Variants in ILDR1 observed in about 807,000 individuals in gnomAD.
ILDR1 encodes immunoglobulin-like domain-containing receptor 1.
Under a neutral mutation model 62.4 loss-of-function variants are expected in ILDR1, and 56 were observed. The observed-to-expected ratio is 0.90, with a 90% CI of 0.72 to 1.12. The LOEUF (loss-of-function observed/expected upper bound fraction) is 1.12, where lower values mean the gene tolerates loss of function less well. Among genes scored for constraint, ILDR1 ranks in the 50% most tolerant of loss-of-function variants. The pLI, the probability that ILDR1 is intolerant of heterozygous loss-of-function variation, is 0.00. For synonymous variants in ILDR1, 284 were observed against 277.8 expected (o/e 1.02, Z -0.22); for missense variants, 736 against 710.6 (o/e 1.04, Z -0.41).
intron 3 of ILDR1, 41 bp downstream of exon 3, chr3:122,005,203 C>A (rs760874667): frequency 1.3e-5 from 15 of 1,117,102 alleles, no homozygotes; most frequent in South Asian, 5.1e-5. Context: ...GTCTGCACCT[C>A]CCCCCACCCC....
the ILDR1 span, among the ~76,000 whole-genome samples, chr3:122,057,661 G>GATGTGTGATAATTT: frequency 1.1e-4 from 17 of 152,106 alleles, no homozygotes; most frequent in Admixed American, 5.9e-4. Flanking sequence ...ACCATCTAGT[G>GATGTGTGATAATTT]ATGTGTGATA....
chr3:122,040,437 A>T, the ILDR1 span, among the ~76,000 whole-genome samples: 1 of 150,714 alleles, frequency 6.6e-6, no homozygotes, highest in Non-Finnish European at 1.5e-5. Context: ...AAATGTCTTA[A>T]TGCAAACATG....
At chr3:122,045,064 A>G in the ILDR1 span, among the ~76,000 whole-genome samples, 1 of 151,616 alleles carries the variant, frequency 6.6e-6, no homozygotes, top group African/African-American at 2.4e-5. Context: ...TAGTGCTATA[A>G]ATTTCCCTCT....
At chr3:122,033,574 C>T in the ILDR1 span, among the ~76,000 whole-genome samples, 1 of 151,606 alleles carries the variant, frequency 6.6e-6, no homozygotes. Context: ...TGCTGTATTC[C>T]CCAGGTCATG....
intron 1 of ILDR1, among the ~76,000 whole-genome samples, chr3:122,015,636 T>C (rs1238303210): frequency 2.6e-5 from 4 of 152,224 alleles, no homozygotes; most frequent in Non-Finnish European, 4.4e-5. Flanking sequence ...CTTCCCCTTC[T>C]GCCATGATTA....
the ILDR1 span, among the ~76,000 whole-genome samples, chr3:122,037,181 G>T: frequency 6.6e-6 from 1 of 152,218 alleles, no homozygotes; most frequent in African/African-American, 2.4e-5. Context: ...CCCACACAGA[G>T]TCCCCACTAG....
chr3:122,043,269 A>G, the ILDR1 span, among the ~76,000 whole-genome samples: 1 of 151,504 alleles, frequency 6.6e-6, no homozygotes, highest in Non-Finnish European at 1.5e-5. Flanking sequence ...TGTTCCATTG[A>G]TCTATATCTC....
chr3:122,055,653 A>G, the ILDR1 span: 1 of 725,912 alleles, frequency 1.4e-6, no homozygotes, highest in Non-Finnish European at 2.3e-6. Flanking sequence ...TTGGCACATA[A>G]AGGCAAGAAT....
intron 5 of ILDR1, 70 bp downstream of exon 5, chr3:122,001,238 T>A: frequency 6.4e-7 from 1 of 1,565,238 alleles, no homozygotes; most frequent in South Asian, 1.1e-5. Context: ...GACCTGGCAC[T>A]TGAAGCTGAT....
intron 1 of ILDR1, among the ~76,000 whole-genome samples, chr3:122,012,678 TC>T (rs1281004317): frequency 1.3e-5 from 2 of 152,080 alleles, no homozygotes; most frequent in Non-Finnish European, 2.9e-5. Flanking sequence ...TAAAAAAATG[TC>T]CCCCATTTAG....
At chr3:122,019,087 C>G (rs1273718250) in intron 1 of ILDR1, among the ~76,000 whole-genome samples, 1 of 152,188 alleles carries the variant, frequency 6.6e-6, no homozygotes, top group African/African-American at 2.4e-5. Context: ...GCAGAAATGA[C>G]ACACATCCTT....
At chr3:121,995,311 G>A (rs1283635064) in intron 5 of ILDR1, among the ~76,000 whole-genome samples, 5 of 152,176 alleles carry the variant, frequency 3.3e-5, no homozygotes, top group Non-Finnish European at 7.3e-5. Flanking sequence ...TTAGGCCCCA[G>A]CCTGGCATTC....
intron 3 of ILDR1, among the ~76,000 whole-genome samples, chr3:122,003,282 T>C (rs2071555243): frequency 6.6e-6 from 1 of 152,202 alleles, no homozygotes; most frequent in African/African-American, 2.4e-5. Context: ...GAAACAAAAA[T>C]GCAAGGTCAC....
At chr3:122,052,761 G>T in the ILDR1 span, among the ~76,000 whole-genome samples, 1 of 152,172 alleles carries the variant, frequency 6.6e-6, no homozygotes. Flanking sequence ...TAGAGATGGG[G>T]TTTCACCATG....
the ILDR1 span, among the ~76,000 whole-genome samples, chr3:122,049,532 T>C: frequency 6.6e-6 from 1 of 152,352 alleles, no homozygotes; most frequent in East Asian, 1.9e-4. Flanking sequence ...TCTGCCAATG[T>C]TTGCTTCATA....
intron 5 of ILDR1, among the ~76,000 whole-genome samples, chr3:121,997,601 A>G (rs2107650353): frequency 1.3e-5 from 2 of 152,304 alleles, no homozygotes; most frequent in African/African-American, 4.8e-5. Context: ...TCCAGGGCCC[A>G]CTGCTAACAG....
the ILDR1 span, among the ~76,000 whole-genome samples, chr3:122,041,326 A>G: frequency 6.6e-6 from 1 of 152,192 alleles, no homozygotes; most frequent in Non-Finnish European, 1.5e-5. Context: ...AGTTTGTTAT[A>G]AAAGTGAATT....
In ILDR1 at chr3:122,022,005, T is replaced by C; in HGVS notation, c.58+15A>G. On this transcript the variant is annotated intron_variant, in intron 1 of 7. Coordinates refer to ENST00000344209, the MANE Select transcript of ILDR1 (RefSeq NM_001199799.2). ...TCCTTGGGTCCAGGGTGGGTACCATTTTTCCAAGGCTCACCTGCTGGGAGC... is the reference window on the plus strand; with the variant it reads ...TCCTTGGGTCCAGGGTGGGTACCATCTTTCCAAGGCTCACCTGCTGGGAGC... 1 of 1,608,406 alleles carries C rather than the reference T, an allele frequency of 6.2e-7. No individual in the cohort carries two copies. Among genetic ancestry groups the C allele is most frequent in the Non-Finnish European group, 8.5e-7 (1 of 1,177,346 alleles).
chr3:122,053,453 T>A, the ILDR1 span, among the ~76,000 whole-genome samples: 1 of 152,180 alleles, frequency 6.6e-6, no homozygotes, highest in African/African-American at 2.4e-5. Context: ...CTCCTAAATG[T>A]ATATACTAAA....
Sources: gnomAD v4.1 joint callset for allele counts (sites outside exome capture counted in the v4.1 genomes callset) on GRCh38, gnomAD v4.1.1 for gene constraint, MANE v1.5 for transcripts, NCBI Gene and HGNC (gene_info 2026-07-23, HGNC 2026-07-21) for gene names.